The following NRG1 variants were observed in gnomAD, a reference collection of about 807,000 sequenced individuals.
NRG1 encodes the protein neuregulin 1, also known as pro-neuregulin-1, membrane-bound isoform.
NRG1 carries 18 observed loss-of-function variants against 63.8 expected under a neutral mutation model. The observed-to-expected ratio is 0.28, with a 90% CI of 0.19 to 0.42. The LOEUF (loss-of-function observed/expected upper bound fraction) is 0.42. Among genes scored for constraint, NRG1 ranks in the 10% least tolerant of loss-of-function variants. NRG1 has a pLI of 1.00. For missense variants in NRG1, 762 were observed against 814.7 expected, an observed-to-expected ratio of 0.94 and a Z score of 0.79; for synonymous variants, 302 against 301.3, an observed-to-expected ratio of 1.00 and a Z score of -0.02.
chr8:32,188,542 G>A (rs74535795), intron 1 of NRG1, among the ~76,000 whole-genome samples: 2,237 of 152,316 alleles, frequency 0.015, 26 homozygotes, highest in South Asian at 0.059. Flanking sequence ...CTAATCAGCA[G>A]ATAGGAAGAT....
intron 1 of NRG1, among the ~76,000 whole-genome samples, chr8:32,527,596 A>G (rs989311275): frequency 6.9e-6 from 1 of 144,728 alleles, no homozygotes; most frequent in Non-Finnish European, 1.5e-5. Context: ...ATCGCTATTC[A>G]GTATATCAGT....
chr8:32,466,060 T>C (rs1563501926), intron 1 of NRG1, among the ~76,000 whole-genome samples: 1 of 152,170 alleles, frequency 6.6e-6, no homozygotes, highest in Non-Finnish European at 1.5e-5. Flanking sequence ...ACCAGCACTT[T>C]GGGAGGCCGA....
intron 1 of NRG1, among the ~76,000 whole-genome samples, chr8:32,038,023 A>G (rs941258900): frequency 6.6e-6 from 1 of 152,196 alleles, no homozygotes; most frequent in Non-Finnish European, 1.5e-5. Context: ...CCAGAGCTAG[A>G]GTATGCAAAA....
chr8:32,412,443 T>TATACAC (rs1554532859), intron 1 of NRG1, among the ~76,000 whole-genome samples: 7 of 54,514 alleles, frequency 1.3e-4, no homozygotes, highest in African/African-American at 3.6e-4. Context: ...TATATATATA[T>TATACAC]ATATATATAC....
At chr8:31,885,317 G>C (rs1322705468) in intron 1 of NRG1, among the ~76,000 whole-genome samples, 6 of 151,510 alleles carry the variant, frequency 4.0e-5, no homozygotes, top group Non-Finnish European at 7.4e-5. Context: ...CAGGAAAGCA[G>C]AAAAAAAATC....
downstream of NRG1, among the ~76,000 whole-genome samples, chr8:32,772,934 A>G (rs913475442): frequency 4.6e-5 from 7 of 152,074 alleles, no homozygotes; most frequent in African/African-American, 1.7e-4. Flanking sequence ...CCCCACAAAG[A>G]TTCCATTCTC....
At chr8:32,631,808 C>T (rs1180275650) in intron 5 of NRG1, among the ~76,000 whole-genome samples, 1 of 152,078 alleles carries the variant, frequency 6.6e-6, no homozygotes, top group African/African-American at 2.4e-5. Flanking sequence ...TTTGAGACTC[C>T]GTTGCTCATA....
At chr8:31,860,433 T>C (rs1228787176) in intron 1 of NRG1, among the ~76,000 whole-genome samples, 4 of 152,184 alleles carry the variant, frequency 2.6e-5, no homozygotes, top group African/African-American at 9.7e-5. Flanking sequence ...CATTTAGTCG[T>C]GAAAGTATAA....
intron 1 of NRG1, among the ~76,000 whole-genome samples, chr8:31,927,727 C>G (rs28575110): frequency 0.035 from 5,308 of 150,278 alleles, 334 homozygotes; most frequent in African/African-American, 0.12. Context: ...GGATTACAGG[C>G]GTGAGCCACC....
intron 1 of NRG1, among the ~76,000 whole-genome samples, chr8:31,869,445 A>G (rs1008187177): frequency 4.6e-5 from 7 of 152,332 alleles, no homozygotes; most frequent in East Asian, 3.9e-4. Flanking sequence ...CCCCACTAGC[A>G]TGCCACTCTG....
At chr8:31,684,287 G>A (rs1585646621) in intron 1 of NRG1, among the ~76,000 whole-genome samples, 1 of 152,150 alleles carries the variant, frequency 6.6e-6, no homozygotes, top group African/African-American at 2.4e-5. Flanking sequence ...GCAATGATTA[G>A]GTAGTGAGGT....
At chr8:32,364,075 C>CTTTTTTTTTTT (rs932903875) in intron 1 of NRG1, among the ~76,000 whole-genome samples, 4 of 65,520 alleles carry the variant, frequency 6.1e-5, no homozygotes, top group African/African-American at 6.2e-5. Context: ...TCTGACTAGT[C>CTTTTTTTTTTT]TTTTTTTTTT....
At chr8:31,816,062 A>G (rs2129602183) in intron 1 of NRG1, among the ~76,000 whole-genome samples, 1 of 152,246 alleles carries the variant, frequency 6.6e-6, no homozygotes, top group Non-Finnish European at 1.5e-5. Context: ...CTGGATATTA[A>G]TTTATTGTCA....
At chr8:32,103,826 G>A (rs555344795) in intron 1 of NRG1, among the ~76,000 whole-genome samples, 6 of 152,238 alleles carry the variant, frequency 3.9e-5, no homozygotes, top group African/African-American at 1.4e-4. Context: ...GAGATGAGGA[G>A]CGAGCAAAGG....
chr8:31,779,438 G>T (rs955837138), intron 1 of NRG1, among the ~76,000 whole-genome samples: 3 of 150,242 alleles, frequency 2.0e-5, no homozygotes, highest in African/African-American at 7.4e-5. Context: ...GAAAACGCTT[G>T]TTCGGAGACA....
intron 1 of NRG1, among the ~76,000 whole-genome samples, chr8:31,709,914 TC>T (rs1416235760): frequency 6.6e-6 from 1 of 151,790 alleles, no homozygotes; most frequent in Non-Finnish European, 1.5e-5. Context: ...TTCTATTTTT[TC>T]CCTAACTCCA....
chr8:32,728,201 T>C, intron 6 of NRG1, 123 bp downstream of exon 6: 1 of 1,515,896 alleles, frequency 6.6e-7, no homozygotes, highest in Non-Finnish European at 8.8e-7. Context: ...TAATGCTGTT[T>C]TATATGTAGA....
chr8:32,224,547 T>C (rs966170613), intron 1 of NRG1, among the ~76,000 whole-genome samples: 1 of 152,228 alleles, frequency 6.6e-6, no homozygotes, highest in Non-Finnish European at 1.5e-5. Flanking sequence ...CTGTCTGCAT[T>C]AGGCTTAGGT....
chr8:32,723,750 G>A (rs906165776), intron 5 of NRG1, among the ~76,000 whole-genome samples: 10 of 140,936 alleles, frequency 7.1e-5, no homozygotes, highest in African/African-American at 1.3e-4. Context: ...AAGGAAGGAC[G>A]GAAATAAGGA....
Sources: allele counts gnomAD v4.1 joint callset (sites outside exome capture counted in the v4.1 genomes callset), GRCh38; gene constraint gnomAD v4.1.1; transcripts MANE v1.5; gene names NCBI Gene and HGNC (gene_info 2026-07-23, HGNC 2026-07-21).